PKNOX2: variants seen among roughly 807,000 people sequenced by gnomAD.
PKNOX2 encodes the protein homeobox protein PKNOX2.
Under a neutral mutation model 53.1 loss-of-function variants are expected in PKNOX2, and 14 were observed. The ratio of observed to expected loss-of-function variants is 0.26; its 90% confidence interval spans 0.17 to 0.41. The LOEUF is 0.41. Among genes scored for constraint, PKNOX2 ranks in the 10% least tolerant of loss-of-function variants. The pLI, the probability that PKNOX2 is intolerant of heterozygous loss-of-function variation, is 1.00. For synonymous variants in PKNOX2, 257 were observed against 242.8 expected (o/e 1.06, Z -0.54); for missense variants, 496 against 602.8 (o/e 0.82, Z 1.85).
intron 3 of PKNOX2, among the ~76,000 whole-genome samples, chr11:125,343,451 T>C (rs867874871): frequency 1.1e-4 from 17 of 152,110 alleles, no homozygotes; most frequent in African/African-American, 3.6e-4. Context: ...ATTGCCAAGT[T>C]GTAAAGTGCT....
intron 2 of PKNOX2, among the ~76,000 whole-genome samples, chr11:125,249,642 C>T (rs1361519921): frequency 1.3e-5 from 2 of 152,130 alleles, no homozygotes; most frequent in Non-Finnish European, 2.9e-5. Context: ...TTTCGTATCA[C>T]GGATTCGAGT....
At chr11:125,176,313 A>G (rs1438741975) in intron 1 of PKNOX2, among the ~76,000 whole-genome samples, 1 of 152,178 alleles carries the variant, frequency 6.6e-6, no homozygotes. Flanking sequence ...AGTCACATTC[A>G]CTAGATAGAT....
Position 125,288,992 on chromosome 11 carries a change from C to G in PKNOX2, c.-129-42827C>G, listed in dbSNP as rs1004611325. Among the ~76,000 whole-genome samples the G allele has an allele frequency of 7.9e-5, 12 of 152,234 alleles. 1 individual carries two copies. Among genetic ancestry groups the G allele is most frequent in the Non-Finnish European group, 1.5e-4 (10 of 68,042 alleles). On this transcript the variant is annotated intron_variant, in intron 2 of 12. Coordinates refer to ENST00000298282, the MANE Select transcript of PKNOX2 (RefSeq NM_001382323.2). ...TTCTTCTTGAGAAAGGGGACCATGT[C>G]TTATGTATCTTGCACATAACATGTA...
At chr11:125,395,953 CTTTTTTTTTTT>C (rs949920113) in intron 6 of PKNOX2, among the ~76,000 whole-genome samples, 1 of 131,904 alleles carries the variant, frequency 7.6e-6, no homozygotes, top group Non-Finnish European at 1.6e-5. Context: ...ACTGGATCAT[CTTTTTTTTTTT>C]TTTTTTTTAG....
chr11:125,409,887 T>C (rs1955395656), intron 7 of PKNOX2, among the ~76,000 whole-genome samples: 1 of 152,064 alleles, frequency 6.6e-6, no homozygotes, highest in Non-Finnish European at 1.5e-5. Flanking sequence ...CCAAGCATCA[T>C]TACTGGAGAT....
chr11:125,341,009 C>A (rs1950654095), intron 3 of PKNOX2, among the ~76,000 whole-genome samples: 1 of 142,988 alleles, frequency 7.0e-6, no homozygotes, highest in Admixed American at 7.1e-5. Context: ...AAGATCACAC[C>A]ACTGCACTCC....
At chr11:125,356,436 T>C (rs1289388163) in intron 4 of PKNOX2, among the ~76,000 whole-genome samples, 5 of 152,228 alleles carry the variant, frequency 3.3e-5, no homozygotes. Flanking sequence ...GAACTCGTAG[T>C]TGAGGTCCGG....
chr11:125,411,307 A>G, intron 9 of PKNOX2: 2 of 328,224 alleles, frequency 6.1e-6, no homozygotes, highest in East Asian at 7.6e-5. Flanking sequence ...AGCCTAGCCA[A>G]CCTACAGGGC....
intron 4 of PKNOX2, among the ~76,000 whole-genome samples, chr11:125,358,497 T>C (rs1951745432): frequency 6.6e-6 from 1 of 152,252 alleles, no homozygotes; most frequent in South Asian, 2.1e-4. Flanking sequence ...GCAGTGAATG[T>C]TCCATGAGTC....
rs73618188 is a variant in PKNOX2 at position 125,360,585 on chromosome 11, G to A, written c.88-7261G>A. ...GTAACCTTCTGTGACACCAGGGGCC[G>A]CCTGTTCCTGCACTTGAACTCACAC... is the stretch of plus-strand genomic sequence containing the variant. On this transcript the variant is annotated intron_variant, in intron 4 of 12. Coordinates refer to ENST00000298282, the MANE Select transcript of PKNOX2 (RefSeq NM_001382323.2). 1.4e-4 allele frequency among the ~76,000 whole-genome samples: 21 copies of A among 152,192 alleles called. No individual in the cohort carries two copies. In the East Asian group the frequency reaches 3.1e-3, roughly 22 times the overall value.
At chr11:125,323,928 A>T (rs138366476) in intron 2 of PKNOX2, among the ~76,000 whole-genome samples, 91 of 149,852 alleles carry the variant, frequency 6.1e-4, no homozygotes, top group African/African-American at 2.1e-3. Flanking sequence ...TCTTTAAAAA[A>T]ATATATATCT....
chr11:125,390,593 G>C (rs7115517), intron 6 of PKNOX2, among the ~76,000 whole-genome samples: 7 of 152,336 alleles, frequency 4.6e-5, no homozygotes, highest in Admixed American at 3.9e-4. Flanking sequence ...AGCCCCGAGT[G>C]TCTTCTTTGC....
intron 2 of PKNOX2, among the ~76,000 whole-genome samples, chr11:125,284,634 C>T (rs953458900): frequency 4.6e-5 from 7 of 152,164 alleles, no homozygotes; most frequent in Non-Finnish European, 7.3e-5. Flanking sequence ...TCACCGTCCA[C>T]ACAGAGAATT....
At chr11:125,417,952 G>A (rs1435272585) in intron 10 of PKNOX2, among the ~76,000 whole-genome samples, 1 of 152,000 alleles carries the variant, frequency 6.6e-6, no homozygotes, top group Non-Finnish European at 1.5e-5. Context: ...AAAGCTGAGT[G>A]CACAAAAAAC....
rs1950160774 is a variant in PKNOX2 at position 125,331,879 on chromosome 11, G to A, written c.-69G>A. ...CCCAGCTGGAAGTAGAAAGAGGGGAGTGAGTCTCCTGAGGACCATCTCAGA... is the reference window on the plus strand; with the variant it reads ...CCCAGCTGGAAGTAGAAAGAGGGGAATGAGTCTCCTGAGGACCATCTCAGA... On this transcript the variant is annotated 5_prime_UTR_variant, in exon 3 of 13. It adds an upstream start codon to the 5' untranslated region. Coordinates refer to ENST00000298282, the MANE Select transcript of PKNOX2 (RefSeq NM_001382323.2). The A allele has an allele frequency of 1.3e-5, 2 of 152,376 alleles. No homozygotes were observed. Among genetic ancestry groups the A allele is most frequent in the Admixed American group, 6.5e-5 (1 of 15,312 alleles). 9.4% of individuals were successfully genotyped at this position (152,376 alleles called of 1,614,324 possible).
intron 1 of PKNOX2, among the ~76,000 whole-genome samples, chr11:125,183,588 CCT>C (rs1565463591): frequency 6.6e-6 from 1 of 152,146 alleles, no homozygotes; most frequent in Non-Finnish European, 1.5e-5. Context: ...CTCTGAGCCA[CCT>C]CTCTCTAATG....
intron 4 of PKNOX2, among the ~76,000 whole-genome samples, chr11:125,366,180 G>A (rs1952179913): frequency 6.6e-6 from 1 of 152,190 alleles, no homozygotes; most frequent in Admixed American, 6.5e-5. Context: ...GCTTAGGAAA[G>A]TTAAAGAATT....
chr11:125,370,729 C>T lies in PKNOX2; in HGVS notation c.227+2744C>T, dbSNP rs972592135. Among the ~76,000 whole-genome samples, 3 of 152,250 alleles carry T rather than the reference C, an allele frequency of 2.0e-5. No individual in the cohort carries two copies. The highest frequency in any genetic ancestry group is 7.2e-5 in the African/African-American group (3 of 41,468). On this transcript the variant is annotated intron_variant, in intron 5 of 12. Transcript: ENST00000298282. The surrounding 1 kb of genome is among the most constrained non-coding windows in gnomAD (Gnocchi z 4.1). The stretch of plus-strand genomic sequence containing the variant: ...CAGCCGCCCTCTCTGCAGCCATTGC[C>T]CCGGGATGACCAGGGAGGGAGCTCA...
At chr11:125,192,681 T>C (rs1160824866) in intron 1 of PKNOX2, among the ~76,000 whole-genome samples, 1 of 152,152 alleles carries the variant, frequency 6.6e-6, no homozygotes, top group Non-Finnish European at 1.5e-5. Flanking sequence ...AGGGAGGTGT[T>C]TGCCCATTTT....
Sources: allele counts gnomAD v4.1 joint callset (sites outside exome capture counted in the v4.1 genomes callset), GRCh38; gene constraint gnomAD v4.1.1; non-coding constraint Gnocchi (gnomAD v3.1); transcripts MANE v1.5; gene names NCBI Gene and HGNC (gene_info 2026-07-23, HGNC 2026-07-21).